FAAP100: variants seen among roughly 807,000 people sequenced by gnomAD.
FAAP100 encodes Fanconi anemia core complex-associated protein 100.
In FAAP100, 46 loss-of-function variants were observed where a neutral mutation model predicts 65.8. The ratio of observed to expected loss-of-function variants is 0.70; its 90% CI spans 0.55 to 0.89. FAAP100 has a LOEUF of 0.89. FAAP100 is among the 40% of genes least tolerant of loss of function. FAAP100 has a pLI of 0.00. For missense variants in FAAP100, 1,165 were observed against 1,196.7 expected (o/e 0.97, Z 0.39); for synonymous variants, 663 against 555.1 (o/e 1.19, Z -2.73).
chr17:81,539,938 G>T lies in FAAP100; in HGVS notation c.*881C>A. Reference sequence around the variant, plus strand: ...TGTCACAGCAGAGAAGCACCTCACGGCTCCTACCCGCACTCATCGCGGACA... The same window carrying T: ...TGTCACAGCAGAGAAGCACCTCACGTCTCCTACCCGCACTCATCGCGGACA... On this transcript the variant is annotated 3_prime_UTR_variant, in exon 9 of 9. Transcript: ENST00000327787. The T allele has an allele frequency of 5.0e-6, 2 of 398,816 alleles. No individual in the cohort carries two copies. Among genetic ancestry groups the T allele is most frequent in the Middle Eastern group, 6.3e-4 (1 of 1,588 alleles). 24.7% of individuals were successfully genotyped at this position (398,816 alleles called of 1,614,324 possible). A position where few individuals can be genotyped will look rare whatever the true frequency, so the allele number is the denominator to read the frequency against.
Position 81,539,900 on chromosome 17 carries a change from A to AG in FAAP100, c.*918dup, listed in dbSNP as rs1161110684. ...AGCCGAGGCCTGAAGGTTCACGGAC[A>AG]GACAGGGTCGTTTGTCACAGCAGAG... is the stretch of plus-strand genomic sequence containing the variant. On this transcript the variant is annotated 3_prime_UTR_variant, in exon 9 of 9. Coordinates refer to ENST00000327787, the MANE Select transcript of FAAP100 (RefSeq NM_025161.6). 1 of 398,830 alleles carries AG rather than the reference A, an allele frequency of 2.5e-6. No individual in the cohort carries two copies. Among genetic ancestry groups the AG allele is most frequent in the African/African-American group, 2.0e-5 (1 of 48,786 alleles). 24.7% of individuals were successfully genotyped at this position (398,830 alleles called of 1,614,324 possible).
intron 6 of FAAP100, among the ~76,000 whole-genome samples, 169 bp from the exon 7 acceptor site, chr17:81,544,289 G>A (rs1311178203): frequency 6.6e-6 from 1 of 152,240 alleles, no homozygotes. Context: ...CAGTACCCTG[G>A]TTTAGCTTTT....
At position 81,550,478 on chromosome 17, in the gene FAAP100, C is replaced by G; in HGVS notation, c.1016G>C (p.Arg339Pro). Residue 339 changes from arginine to proline, a missense_variant, in exon 3 of 9, where the codon CGG becomes CCG. Physicochemically the swap from Arg to Pro is moderately radical, Grantham distance 103. Coordinates refer to ENST00000327787, the MANE Select transcript of FAAP100 (RefSeq NM_025161.6). ...CACAGGGCCTGGGAGGCAGTACTCC[C>G]GCAGCTCGGGCACCAGCTTCCCGGA... Reference protein sequence around the residue: ...DESGKLVPELREYCLPGPVLC... With the variant: ...DESGKLVPELPEYCLPGPVLC... 3.1e-6 allele frequency: 5 copies of G among 1,612,542 alleles called. No homozygotes were observed. Among genetic ancestry groups the G allele is most frequent in the Non-Finnish European group, 4.2e-6 (5 of 1,179,818 alleles).
chr17:81,550,570 G>C lies in FAAP100; in HGVS notation c.924C>G (p.His308Gln). Reference sequence around the variant, plus strand: ...GACCAAAGGCCACCAGGCAGTCACAGTGCACATCCTCGTCAGGCAGAAAAT... The same window carrying C: ...GACCAAAGGCCACCAGGCAGTCACACTGCACATCCTCGTCAGGCAGAAAAT... ...AENFLPDEDV[H>Q]CDCLVAFGHH... The change falls in exon 3 of 9, where the codon CAC becomes CAG. Residue 308 changes from histidine to glutamine, a missense_variant. Physicochemically the swap from His to Gln is conservative, Grantham distance 24. Coordinates refer to ENST00000327787, the MANE Select transcript of FAAP100 (RefSeq NM_025161.6). 1 of 1,612,854 alleles carries C rather than the reference G, an allele frequency of 6.2e-7. No individual in the cohort carries two copies. Among genetic ancestry groups the C allele is most frequent in the Non-Finnish European group, 8.5e-7 (1 of 1,179,952 alleles).
intron 4 of FAAP100, 171 bp from the exon 5 acceptor site, chr17:81,547,849 C>T: frequency 1.2e-6 from 1 of 849,852 alleles, no homozygotes; most frequent in Middle Eastern, 2.1e-4. Flanking sequence ...TTCTCCCGGC[C>T]CCACCCACAC....
In FAAP100 at chr17:81,541,330, G is replaced by A. The variant is rs1318902995; in HGVS notation, c.2493C>T (p.Arg831=). The A allele has an allele frequency of 1.9e-6, 3 of 1,611,838 alleles. No individual in the cohort carries two copies. Among genetic ancestry groups the A allele is most frequent in the Admixed American group, 1.7e-5 (1 of 60,004 alleles). ...TCACCTCGTGGTTGGCGTGGATCTG[G>A]CGGAGGTACTGCACACGGAGATCAG... is the stretch of plus-strand genomic sequence containing the variant. ...SAPDLRVQYL[R]QIHANHETLL... Residue 831 remains arginine, a synonymous_variant, in exon 8 of 9, where the codon CGC becomes CGT. Transcript: ENST00000327787.
chr17:81,549,072 A>T (rs1303610604), intron 4 of FAAP100, 134 bp downstream of exon 4: 2 of 578,034 alleles, frequency 3.5e-6, no homozygotes, highest in Admixed American at 4.5e-5. Context: ...AAAAAAAAAA[A>T]AGAGGCCAAG....
In FAAP100 at chr17:81,540,761, G is replaced by A. The variant is rs1031218085; in HGVS notation, c.*58C>T. The A allele has an allele frequency of 2.8e-5, 40 of 1,451,712 alleles. No homozygotes were observed. Among genetic ancestry groups the A allele is most frequent in the Non-Finnish European group, 3.3e-5 (36 of 1,101,098 alleles). 89.9% of individuals were successfully genotyped at this position (1,451,712 alleles called of 1,614,324 possible). A position where few individuals can be genotyped will look rare whatever the true frequency, so the allele number is the denominator to read the frequency against. ...GGTTTCCCTCTAACCCATGAGGCCT[G>A]GGGGGGCTGTGACAGAGGCTGGAAG... On this transcript the variant is annotated 3_prime_UTR_variant, in exon 9 of 9. Transcript: ENST00000327787.
At chr17:81,550,154 G>T in intron 3 of FAAP100, 94 bp downstream of exon 3, 1 of 1,227,618 alleles carries the variant, frequency 8.1e-7, no homozygotes, top group Non-Finnish European at 1.1e-6. Flanking sequence ...AAAAGAACAA[G>T]CCCAGGAAAG....
rs567311537 is a variant in FAAP100, at chr17:81,551,961, T to G, written c.257A>C (p.Tyr86Ser). 6.4e-7 allele frequency: 1 copy of G among 1,565,268 alleles called. No individual in the cohort carries two copies. The highest frequency in any genetic ancestry group is 2.4e-5 in the East Asian group (1 of 41,502). ...LYALCARRGLYCLSLDHPGRS... is the reference protein window; with the variant it reads ...LYALCARRGLSCLSLDHPGRS... The stretch of plus-strand genomic sequence containing the variant: ...GCCCGGGTGGTCCAGCGACAGGCAG[T>G]AGAGGCCCCTCCGGGCGCACAGCGC... Residue 86 changes from tyrosine to serine, a missense_variant, in exon 2 of 9, where the codon TAC (tyrosine) becomes TCC (serine). Coordinates refer to ENST00000327787, the MANE Select transcript of FAAP100 (RefSeq NM_025161.6).
chr17:81,552,119 C>T, intron 1 of FAAP100, 47 bp downstream of exon 1: 10 of 1,468,598 alleles, frequency 6.8e-6, no homozygotes, highest in Non-Finnish European at 8.9e-6. Flanking sequence ...TTCACGCGAA[C>T]CGCCGCCCCC....
chr17:81,544,193 A>G, intron 6 of FAAP100, 73 bp from the exon 7 acceptor site: 1 of 1,263,146 alleles, frequency 7.9e-7, no homozygotes, highest in Non-Finnish European at 1.1e-6. Flanking sequence ...GCTACACAGG[A>G]GCCTCCCCAG....
rs914677574 is a variant in FAAP100 at position 81,552,336 on chromosome 17, G to C, written c.-6C>G. On this transcript the variant is annotated 5_prime_UTR_variant, in exon 1 of 9. Transcript: ENST00000327787. ...CGCGGCGCGGCGCCGGCCATCGTGC[G>C]CGCGGGCCCGTCAGAGTGAGAAGCC... is the stretch of plus-strand genomic sequence containing the variant. 4 of 1,369,558 alleles carry C rather than the reference G, an allele frequency of 2.9e-6. No homozygotes were observed. Among genetic ancestry groups the C allele is most frequent in the Admixed American group, 3.9e-5 (1 of 25,442 alleles). The allele number at this position is 1,369,558 out of a possible 1,614,324, so 84.8% of individuals were successfully genotyped here. A position where few individuals can be genotyped will look rare whatever the true frequency, so the allele number is the denominator to read the frequency against.
intron 2 of FAAP100, 59 bp downstream of exon 2, chr17:81,551,869 C>T (rs1217698925): frequency 1.4e-6 from 2 of 1,475,136 alleles, no homozygotes; most frequent in Admixed American, 2.4e-5. Context: ...GCTGCTCGCT[C>T]TGAAGCAGTC....
rs969518037 is a variant in FAAP100, at chr17:81,551,985, G to A, written c.233C>T (p.Ala78Val). ...GTAGAGGCCCCTCCGGGCGCACAGC[G>A]CGTACAGCAACCTGCGCGGCGCCAG... ...ELLAPRRLLY[A>V]LCARRGLYCL... The change falls in exon 2 of 9, where the codon GCG becomes GTG. Residue 78 changes from alanine (A) to valine (V), a missense_variant. Coordinates refer to ENST00000327787, the MANE Select transcript of FAAP100 (RefSeq NM_025161.6). The A allele has an allele frequency of 1.9e-6, 3 of 1,567,450 alleles. No individual in the cohort carries two copies. The highest frequency in any genetic ancestry group is 1.2e-5 in the South Asian group (1 of 86,254).
intron 6 of FAAP100, among the ~76,000 whole-genome samples, chr17:81,545,405 C>T (rs1318177475): frequency 2.0e-5 from 3 of 152,204 alleles, no homozygotes; most frequent in Non-Finnish European, 2.9e-5. Flanking sequence ...AGCCTTCTGG[C>T]AGTGCAGAGG....
In FAAP100 at chr17:81,549,210, C is replaced by G; in HGVS notation, c.1399G>C (p.Glu467Gln). 1 of 1,612,320 alleles carries G rather than the reference C, an allele frequency of 6.2e-7. No individual in the cohort carries two copies. The highest frequency in any genetic ancestry group is 1.3e-5 in the African/African-American group (1 of 75,056). Reference sequence around the variant, plus strand: ...GGTCCGAGCTGAGCTGCTCACCTCTCAGAGATGTTGCCAATTCCAGACAGC... The same window carrying G: ...GGTCCGAGCTGAGCTGCTCACCTCTGAGAGATGTTGCCAATTCCAGACAGC... Reference protein sequence around the residue: ...ELLSGIGNISERVSFLKKAVD... With the variant: ...ELLSGIGNISQRVSFLKKAVD... Residue 467 changes from glutamate to glutamine, a missense_variant, in exon 4 of 9, where the codon GAG (glutamate) becomes CAG (glutamine). Glu to Gln is a conservative substitution (Grantham distance 29, BLOSUM62 2). Transcript: ENST00000327787.
chr17:81,547,402 G>A lies in FAAP100; in HGVS notation c.1680C>T (p.Cys560=). 1 of 1,612,864 alleles carries A rather than the reference G, an allele frequency of 6.2e-7. No homozygotes were observed. The highest frequency in any genetic ancestry group is 8.5e-7 in the Non-Finnish European group (1 of 1,180,020). Residue 560 remains cysteine (C), a synonymous_variant, in exon 5 of 9, where the codon TGC becomes TGT. Transcript: ENST00000327787. ...SSCALDLDSA[C]SAITYTIPVD... ...CGGGGATGGTGTAGGTGATGGCGGA[G>A]CAGGCCGAGTCCAGGTCGAGAGCAC...
At chr17:81,543,604 C>T (rs2033194017) in intron 7 of FAAP100, among the ~76,000 whole-genome samples, 1 of 152,150 alleles carries the variant, frequency 6.6e-6, no homozygotes, top group Non-Finnish European at 1.5e-5. Flanking sequence ...GATGTGGAGG[C>T]TCCTACCACC....
Sources: gnomAD v4.1 joint callset for allele counts (sites outside exome capture counted in the v4.1 genomes callset) on GRCh38, gnomAD v4.1.1 for gene constraint, MANE v1.5 for transcripts, NCBI Gene and HGNC (gene_info 2026-07-23, HGNC 2026-07-21) for gene names.